Variants in SETD1B observed in about 807,000 individuals in gnomAD.
The protein encoded by SETD1B is histone-lysine N-methyltransferase SETD1B.
SETD1B carries 7 observed loss-of-function variants against 148.0 expected under a neutral mutation model. The ratio of observed to expected loss-of-function variants is 0.05; its 90% CI spans 0.03 to 0.09. The LOEUF (loss-of-function observed/expected upper bound fraction) is 0.09, where lower values mean the gene tolerates loss of function less well. Among genes scored for constraint, SETD1B ranks in the 10% least tolerant of loss-of-function variants. The probability of loss-of-function intolerance (pLI) is 1.00; values close to 1 mark genes in which losing one functional copy is unlikely to be tolerated. For missense variants in SETD1B, 2,155 were observed against 2,729.9 expected (o/e 0.79, Z 4.69); for synonymous variants, 1,361 against 1,186.5 (o/e 1.15, Z -3.02).
intron 11 of SETD1B, 139 bp from the exon 12 acceptor site, chr12:121,822,351 G>A: frequency 3.1e-6 from 3 of 981,456 alleles, no homozygotes; most frequent in Non-Finnish European, 4.4e-6. Flanking sequence ...AGGAGTCCTT[G>A]AGGGGTTTAG....
At chr12:121,819,159 G>A (rs1045744514) in intron 10 of SETD1B, among the ~76,000 whole-genome samples, 3 of 152,068 alleles carry the variant, frequency 2.0e-5, no homozygotes, top group African/African-American at 4.8e-5. Flanking sequence ...CAGGAGAATC[G>A]CTTGAACCCA....
chr12:121,808,082 C>T lies in SETD1B; in HGVS notation c.545-126C>T, dbSNP rs896121338. The T allele has an allele frequency of 1.2e-5, 8 of 669,980 alleles. 1 individual carries two copies. The highest frequency in any genetic ancestry group is 2.7e-5 in the Admixed American group (1 of 37,024). The allele number at this position is 669,980 out of a possible 1,614,324, so 41.5% of individuals were successfully genotyped here. On this transcript the variant is annotated intron_variant, in intron 4 of 16. Coordinates refer to ENST00000604567, the MANE Select transcript of SETD1B (RefSeq NM_001353345.2). This position sits in a 1 kb window ranked among gnomAD's most constrained non-coding sequence, Gnocchi z 5.3. ...AGAGGGGTGGGAACTCAGGGCCACACAGCCTCCCTAGGACTGGGGTCTCGG... is the reference window on the plus strand; with the variant it reads ...AGAGGGGTGGGAACTCAGGGCCACATAGCCTCCCTAGGACTGGGGTCTCGG...
chr12:121,812,191 G>A (rs1876065781), intron 6 of SETD1B, among the ~76,000 whole-genome samples: 1 of 152,164 alleles, frequency 6.6e-6, no homozygotes, highest in African/African-American at 2.4e-5. Context: ...TTCTGCGGCC[G>A]CGCGCAGTGC....
upstream of SETD1B, chr12:121,799,957 C>G (rs1366584642): frequency 6.6e-6 from 1 of 152,348 alleles, no homozygotes; most frequent in Non-Finnish European, 1.5e-5. Flanking sequence ...GGCCCAGAAC[C>G]TGGAGGAGAG....
chr12:121,829,930 C>A, intron 16 of SETD1B, 136 bp from the exon 17 acceptor site: 2 of 710,838 alleles, frequency 2.8e-6, no homozygotes, highest in Non-Finnish European at 4.5e-6. Flanking sequence ...GAGCCAAGGT[C>A]CAGAGCAGAG....
the SETD1B span, among the ~76,000 whole-genome samples, chr12:121,798,133 G>T: frequency 5.3e-5 from 8 of 152,232 alleles, no homozygotes; most frequent in Admixed American, 3.9e-4. Flanking sequence ...GGGCACAGGC[G>T]CTGGCTGCCA....
rs761736639 is a variant in SETD1B, at chr12:121,822,951, C to T, written c.4372C>T (p.Arg1458Cys). Residue 1458 changes from arginine (R) to cysteine (C), a missense_variant, in exon 12 of 17, where the codon CGC (arginine) becomes TGC (cysteine). By Grantham distance (180) the Arg-to-Cys change is radical (BLOSUM62 -3). Coordinates refer to ENST00000604567, the MANE Select transcript of SETD1B (RefSeq NM_001353345.2). ...ACTCCCCACTGGCCGACGCGATGAACGCTCCGGGCCCCTGGCCTCCCCGGT... is the reference window on the plus strand; with the variant it reads ...ACTCCCCACTGGCCGACGCGATGAATGCTCCGGGCCCCTGGCCTCCCCGGT... ...CPLPTGRRDERSGPLASPVLL... is the reference protein window; with the variant it reads ...CPLPTGRRDECSGPLASPVLL... 2.7e-5 allele frequency: 41 copies of T among 1,537,588 alleles called. No individual in the cohort carries two copies. In the South Asian group the frequency reaches 3.0e-4, roughly 11 times the overall value.
At chr12:121,806,567 A>G (rs1592974222) in intron 4 of SETD1B, among the ~76,000 whole-genome samples, 1 of 151,956 alleles carries the variant, frequency 6.6e-6, no homozygotes, top group Non-Finnish European at 1.5e-5. Flanking sequence ...GTGTCCCCCC[A>G]CCTCCTTGCT....
rs748856746 is a variant in SETD1B at position 121,819,703 on chromosome 12, G to A, written c.3718G>A (p.Ala1240Thr). The change falls in exon 11 of 17, where the codon GCT becomes ACT. Residue 1240 changes from alanine (A) to threonine (T), a missense_variant. Physicochemically the swap from Ala to Thr is moderately conservative, Grantham distance 58. Transcript: ENST00000604567. The stretch of plus-strand genomic sequence containing the variant: ...AGAGGAGGTGGACATCGAGACTGAG[G>A]CTGTGGCCCCTGAGGAGCGGCCCTC... ...MEEEVDIETE[A>T]VAPEERPSML... 3.9e-6 allele frequency: 6 copies of A among 1,551,006 alleles called. No homozygotes were observed. The highest frequency in any genetic ancestry group is 1.7e-4 in the Middle Eastern group (1 of 5,740).
Position 121,814,214 on chromosome 12 carries a change from G to T in SETD1B, c.1999G>T (p.Ala667Ser). 1 of 1,537,502 alleles carries T rather than the reference G, an allele frequency of 6.5e-7. No homozygotes were observed. Reference protein sequence around the residue: ...PKPMVVTPGAAAVAAPSVLAP... With the variant: ...PKPMVVTPGASAVAAPSVLAP... The stretch of plus-strand genomic sequence containing the variant: ...GCCCATGGTGGTGACCCCAGGAGCG[G>T]CAGCCGTGGCAGCCCCTTCTGTGCT... Residue 667 changes from alanine (A) to serine (S), a missense_variant, in exon 7 of 17, where the codon GCA (alanine) becomes TCA (serine). By Grantham distance (99) the Ala-to-Ser change is moderately conservative. Transcript: ENST00000604567.
In SETD1B at chr12:121,819,840, G is replaced by T; in HGVS notation, c.3855G>T (p.Glu1285Asp). The change falls in exon 11 of 17, where the codon GAG (glutamate) becomes GAT (aspartate). Residue 1285 changes from glutamate (E) to aspartate (D), a missense_variant. Glu to Asp is a conservative substitution (Grantham distance 45, BLOSUM62 2). This residue lies in a region of SETD1B where 862 missense variants were observed against 873.8 expected (regional missense o/e 0.99). Coordinates refer to ENST00000604567, the MANE Select transcript of SETD1B (RefSeq NM_001353345.2). ...SQEGAMLLSP[E>D]PPAKEVEARP... ...AAGGGGCCATGTTGCTGTCTCCAGA[G>T]CCCCCTGCCAAGGAGGTGGAGGCTC... The T allele has an allele frequency of 6.4e-7, 1 of 1,551,450 alleles. No homozygotes were observed. The highest frequency in any genetic ancestry group is 8.7e-7 in the Non-Finnish European group (1 of 1,146,910).
chr12:121,797,407 G>T, the SETD1B span: 1 of 453,318 alleles, frequency 2.2e-6, no homozygotes, highest in South Asian at 1.6e-5. Flanking sequence ...CGCCCTCGAG[G>T]GACCAGCAGG....
chr12:121,793,587 C>T, the SETD1B span: 2 of 1,552,990 alleles, frequency 1.3e-6, no homozygotes, highest in South Asian at 1.2e-5. Context: ...CTCCTTCCTG[C>T]CCGGACCGGG....
chr12:121,819,503 C>T lies in SETD1B; in HGVS notation c.3518C>T (p.Ser1173Leu), dbSNP rs1368026559. Reference sequence around the variant, plus strand: ...GAGTCAAGCTCCGAGTCCTCGCCCTCATCCTCGGAGGATGAGGAGGAGGTA... The same window carrying T: ...GAGTCAAGCTCCGAGTCCTCGCCCTTATCCTCGGAGGATGAGGAGGAGGTA... Reference protein sequence around the residue: ...EFESSSESSPSSSEDEEEVVA... With the variant: ...EFESSSESSPLSSEDEEEVVA... The change falls in exon 11 of 17, where the codon TCA becomes TTA. Residue 1173 changes from serine to leucine, a missense_variant. By Grantham distance (145) the Ser-to-Leu change is moderately radical. This residue lies in a region of SETD1B where 862 missense variants were observed against 873.8 expected (regional missense o/e 0.99). Transcript: ENST00000604567. 6.4e-7 allele frequency: 1 copy of T among 1,552,268 alleles called. No homozygotes were observed. Among genetic ancestry groups the T allele is most frequent in the Non-Finnish European group, 8.7e-7 (1 of 1,147,136 alleles).
rs767123212 is a variant in SETD1B at position 121,817,364 on chromosome 12, C to T, written c.2978-6C>T. 1 of 1,528,686 alleles carries T rather than the reference C, an allele frequency of 6.5e-7. No individual in the cohort carries two copies. Among genetic ancestry groups the T allele is most frequent in the Non-Finnish European group, 8.8e-7 (1 of 1,133,360 alleles). The allele number at this position is 1,528,686 out of a possible 1,614,324, so 94.7% of individuals were successfully genotyped here. On this transcript the variant is annotated splice_region_variant and splice_polypyrimidine_tract_variant and intron_variant, in intron 8 of 16. Transcript: ENST00000604567. The surrounding 1 kb of genome is among the most constrained non-coding windows in gnomAD (Gnocchi z 8.1). The stretch of plus-strand genomic sequence containing the variant: ...AGCCCAGCTCTGACTCCCTCCCTTC[C>T]TGCAGAGTCCGAGCGAGAGCGAGAC...
In SETD1B at chr12:121,817,266, C is replaced by G. The variant is rs987297600; in HGVS notation, c.2949C>G (p.Pro983=). 1 of 1,550,898 alleles carries G rather than the reference C, an allele frequency of 6.4e-7. No individual in the cohort carries two copies. Among genetic ancestry groups the G allele is most frequent in the Non-Finnish European group, 8.7e-7 (1 of 1,146,916 alleles). Residue 983 remains proline (P), a synonymous_variant, in exon 8 of 17, where the codon CCC becomes CCG. Coordinates refer to ENST00000604567, the MANE Select transcript of SETD1B (RefSeq NM_001353345.2). This position sits in a 1 kb window ranked among gnomAD's most constrained non-coding sequence, Gnocchi z 8.1. ...CTGGCGACCAGAAGCGGCTGCGGCC[C>G]TCGACCTCTGTGGATGAGGAAGATG... ...TSSGDQKRLR[P]STSVDEEDEE...
chr12:121,790,311 G>A, the SETD1B span, among the ~76,000 whole-genome samples: 1 of 152,270 alleles, frequency 6.6e-6, no homozygotes, highest in African/African-American at 2.4e-5. Flanking sequence ...CCGCCACTGT[G>A]TGTGGCCCAT....
chr12:121,797,687 G>A, the SETD1B span: 19 of 444,266 alleles, frequency 4.3e-5, 1 homozygote, highest in South Asian at 2.9e-4. Flanking sequence ...CAAAGCAGGT[G>A]GGGAGTAAAG....
chr12:121,793,758 C>T, the SETD1B span: 24 of 810,464 alleles, frequency 3.0e-5, no homozygotes, highest in East Asian at 6.6e-5. Flanking sequence ...CAGGCAGCCT[C>T]CCGGCCGACC....
Sources: allele counts gnomAD v4.1 joint callset (sites outside exome capture counted in the v4.1 genomes callset), GRCh38; gene constraint gnomAD v4.1.1; regional missense constraint gnomAD v4.1.1; non-coding constraint Gnocchi (gnomAD v3.1); transcripts MANE v1.5; gene names NCBI Gene and HGNC (gene_info 2026-07-23, HGNC 2026-07-21).